ADAMTS6: variants seen among roughly 807,000 people sequenced by gnomAD.
The protein encoded by ADAMTS6 is ADAM metallopeptidase with thrombospondin type 1 motif 6.
Under a neutral mutation model 144.3 loss-of-function variants are expected in ADAMTS6, and 23 were observed. The observed-to-expected ratio is 0.16, with a 90% CI of 0.11 to 0.23. The LOEUF is 0.23. Ranked by LOEUF, ADAMTS6 falls within the 10% of genes least tolerant of loss-of-function variation. The pLI is 1.00. For missense variants in ADAMTS6, 999 were observed against 1,379.6 expected (o/e 0.72, Z 4.37); for synonymous variants, 444 against 457.5 (o/e 0.97, Z 0.38).
At chr5:65,163,599 CAG>C (rs1752923393) in intron 24 of ADAMTS6, among the ~76,000 whole-genome samples, 2 of 152,148 alleles carry the variant, frequency 1.3e-5, no homozygotes, top group African/African-American at 4.8e-5. Flanking sequence ...TTGAATTAGA[CAG>C]AGTTGATCAA....
At chr5:65,265,474 G>A (rs1018000623) in intron 12 of ADAMTS6, among the ~76,000 whole-genome samples, 16 of 151,904 alleles carry the variant, frequency 1.1e-4, no homozygotes, top group African/African-American at 3.9e-4. Flanking sequence ...CAGTTTTGTG[G>A]TTTTCTTACT....
rs143145573 is a variant in ADAMTS6, at chr5:65,215,837, T to A, written c.2273-350A>T. On this transcript the variant is annotated intron_variant, in intron 18 of 24. Coordinates refer to ENST00000381055, the MANE Select transcript of ADAMTS6 (RefSeq NM_197941.4). ...TCCAAATACTGAAATAGTAATTAAA[T>A]GGATATGGGGTGGGGACAACCTGTT... is the stretch of plus-strand genomic sequence containing the variant. Among the ~76,000 whole-genome samples, 874 of 152,212 alleles carry A rather than the reference T, an allele frequency of 5.7e-3. 13 individuals carry two copies. Among genetic ancestry groups the A allele is most frequent in the African/African-American group, 0.02 (847 of 41,534 alleles).
chr5:65,335,276 C>T (rs1747196014), intron 7 of ADAMTS6, among the ~76,000 whole-genome samples: 1 of 152,174 alleles, frequency 6.6e-6, no homozygotes, highest in Non-Finnish European at 1.5e-5. Context: ...ATAAACTTCT[C>T]TTCTGACCAT....
intron 7 of ADAMTS6, among the ~76,000 whole-genome samples, chr5:65,427,834 A>G (rs966868151): frequency 6.6e-6 from 1 of 152,110 alleles, no homozygotes; most frequent in African/African-American, 2.4e-5. Context: ...ATGACTCAAA[A>G]CAGTATTTGA....
At chr5:65,392,277 T>A (rs1003685873) in intron 7 of ADAMTS6, among the ~76,000 whole-genome samples, 1 of 152,190 alleles carries the variant, frequency 6.6e-6, no homozygotes, top group Non-Finnish European at 1.5e-5. Flanking sequence ...TGCAATTTAA[T>A]AAGCAGTCTA....
chr5:65,270,494 G>A (rs1261512934), intron 12 of ADAMTS6, among the ~76,000 whole-genome samples: 1 of 152,168 alleles, frequency 6.6e-6, no homozygotes, highest in Non-Finnish European at 1.5e-5. Context: ...AATGCAGGCT[G>A]ATTTAGTTTT....
At chr5:65,190,154 A>G (rs1372750837) in intron 21 of ADAMTS6, among the ~76,000 whole-genome samples, 1 of 152,238 alleles carries the variant, frequency 6.6e-6, no homozygotes, top group African/African-American at 2.4e-5. Context: ...TTAGAAATAT[A>G]GTTAGCCAGT....
At chr5:65,437,001 C>T (rs1228729710) in intron 7 of ADAMTS6, among the ~76,000 whole-genome samples, 1 of 152,182 alleles carries the variant, frequency 6.6e-6, no homozygotes, top group Non-Finnish European at 1.5e-5. Context: ...TACAGTTCCA[C>T]ATGGCCGGGG....
chr5:65,352,157 T>G (rs1748911956), intron 7 of ADAMTS6, among the ~76,000 whole-genome samples: 2 of 144,160 alleles, frequency 1.4e-5, no homozygotes. Flanking sequence ...AAAGCATAGA[T>G]GCAAAGATGT....
intron 7 of ADAMTS6, among the ~76,000 whole-genome samples, chr5:65,419,235 T>A (rs1755810853): frequency 6.6e-6 from 1 of 152,198 alleles, no homozygotes; most frequent in South Asian, 2.1e-4. Flanking sequence ...AATAAAATCA[T>A]GTCCTTTGCA....
In ADAMTS6 at chr5:65,376,343, C is replaced by T. The variant is rs547174820; in HGVS notation, c.1074-42258G>A. Among the ~76,000 whole-genome samples the T allele has an allele frequency of 7.9e-5, 12 of 151,938 alleles. No individual in the cohort carries two copies. The South Asian group carries it at 1.9e-3, about 24-fold the overall frequency. ...GCACGCGCCTGTAGTCCCAGCTACT[C>T]GGGAAGTTGAGGCAGAAGAATAGCT... On this transcript the variant is annotated intron_variant, in intron 7 of 24. Transcript: ENST00000381055.
chr5:65,159,565 C>T (rs1460660701), intron 24 of ADAMTS6, among the ~76,000 whole-genome samples: 1 of 152,240 alleles, frequency 6.6e-6, no homozygotes, highest in Non-Finnish European at 1.5e-5. Flanking sequence ...TTCCTACCTT[C>T]CATGTCCAGC....
At chr5:65,196,834 A>G (rs1297521220) in intron 21 of ADAMTS6, among the ~76,000 whole-genome samples, 188 bp downstream of exon 21, 9 of 152,228 alleles carry the variant, frequency 5.9e-5, no homozygotes, top group Non-Finnish European at 1.3e-4. Flanking sequence ...TTAATGACTG[A>G]AATCTATGGA....
At chr5:65,437,545 T>C (rs1316540181) in intron 7 of ADAMTS6, among the ~76,000 whole-genome samples, 1 of 152,166 alleles carries the variant, frequency 6.6e-6, no homozygotes, top group Non-Finnish European at 1.5e-5. Flanking sequence ...CAATTCAAGA[T>C]GAGGTTTGGG....
intron 7 of ADAMTS6, among the ~76,000 whole-genome samples, chr5:65,382,041 T>C (rs11750651): frequency 0.12 from 18,604 of 152,270 alleles, 1,246 homozygotes; most frequent in African/African-American, 0.14. Context: ...TCCCTTGGAC[T>C]ATTTTTCTTA....
chr5:65,307,559 G>A (rs938548194), intron 9 of ADAMTS6, among the ~76,000 whole-genome samples: 3 of 152,078 alleles, frequency 2.0e-5, no homozygotes, highest in East Asian at 3.9e-4. Flanking sequence ...TTTTCTGCCC[G>A]TTTGTTCCTG....
intron 7 of ADAMTS6, among the ~76,000 whole-genome samples, chr5:65,373,635 G>C (rs1410615855): frequency 6.6e-6 from 1 of 151,972 alleles, no homozygotes; most frequent in East Asian, 1.9e-4. Context: ...CAACCAAAAA[G>C]AGTCCAGGAC....
Position 65,306,411 on chromosome 5 carries a change from GT to G in ADAMTS6, c.1224-6281del, listed in dbSNP as rs1743943601. Among the ~76,000 whole-genome samples the G allele has an allele frequency of 2.0e-5, 3 of 152,168 alleles. No individual in the cohort carries two copies. The South Asian group carries it at 6.2e-4, about 32-fold the overall frequency. ...CATGGCTGTCTTGATTCATGCTAAG[GT>G]GTCAGCATTTATTCCCGCAATTGCT... On this transcript the variant is annotated intron_variant, in intron 9 of 24. Coordinates refer to ENST00000381055, the MANE Select transcript of ADAMTS6 (RefSeq NM_197941.4).
chr5:65,239,113 GT>G (rs1758933243), intron 15 of ADAMTS6, among the ~76,000 whole-genome samples: 1 of 151,986 alleles, frequency 6.6e-6, no homozygotes, highest in South Asian at 2.1e-4. Flanking sequence ...ACCGGAGACT[GT>G]TGTGGGGTAG....
Sources: gnomAD v4.1 joint callset for allele counts (sites outside exome capture counted in the v4.1 genomes callset) on GRCh38, gnomAD v4.1.1 for gene constraint, MANE v1.5 for transcripts, NCBI Gene and HGNC (gene_info 2026-07-23, HGNC 2026-07-21) for gene names.